Variants in PTK7 observed in about 807,000 individuals in gnomAD.
The protein encoded by PTK7 is protein tyrosine kinase 7 (inactive).
Under a neutral mutation model 116.6 loss-of-function variants are expected in PTK7, and 39 were observed. The observed-to-expected ratio is 0.33, with a 90% CI of 0.26 to 0.44. The LOEUF is 0.44. Ranked by LOEUF, PTK7 falls within the 20% of genes least tolerant of loss-of-function variation. The pLI, the probability that PTK7 is intolerant of heterozygous loss-of-function variation, is 1.00. For synonymous variants in PTK7, 546 were observed against 563.6 expected (o/e 0.97, Z 0.44); for missense variants, 1,169 against 1,425.6 (o/e 0.82, Z 2.90).
At chr6:43,107,614 G>T (rs1190045251) in intron 1 of PTK7, among the ~76,000 whole-genome samples, 3 of 152,220 alleles carry the variant, frequency 2.0e-5, no homozygotes, top group Non-Finnish European at 4.4e-5. Context: ...GACAGTAATT[G>T]TGTGTTTCTC....
At chr6:43,116,604 TTGTGTGTGTGTGTGTGTGTGTGTGTG>T (rs751605217) in intron 1 of PTK7, among the ~76,000 whole-genome samples, 5 of 119,086 alleles carry the variant, frequency 4.2e-5, no homozygotes, top group East Asian at 2.6e-4. Flanking sequence ...AAAAGCTGGT[TTGTGTGTGTGTGTGTGTGTGTGTGTG>T]TGTGTGTGTG....
chr6:43,147,107 C>T (rs1770772367), intron 17 of PTK7, among the ~76,000 whole-genome samples: 1 of 152,228 alleles, frequency 6.6e-6, no homozygotes, highest in Admixed American at 6.5e-5. Flanking sequence ...TGGGCCTGAG[C>T]GTGTTTCTTC....
rs1181146393 is a variant in PTK7 at position 43,150,803 on chromosome 6, TTTTTTTTTTTTTTC to T, written c.2721+4106_2721+4119del. On this transcript the variant is annotated intron_variant, in intron 17 of 19. Transcript: ENST00000230419. ...TAGACTCAGCTTTTTTTTTTTTTTT[TTTTTTTTTTTTTTC>T]CCGAGACAGAGTCTCGCTCTGTCTC... 1.3e-4 allele frequency among the ~76,000 whole-genome samples: 14 copies of T among 104,244 alleles called. 1 individual carries two copies. The highest frequency in any genetic ancestry group is 3.4e-4 in the African/African-American group (7 of 20,598). 68.4% of individuals were successfully genotyped at this position (104,244 alleles called of 152,430 possible).
At chr6:43,114,704 T>C (rs917930558) in intron 1 of PTK7, among the ~76,000 whole-genome samples, 21 of 152,296 alleles carry the variant, frequency 1.4e-4, no homozygotes, top group African/African-American at 4.8e-4. Context: ...GTGTGCTTTA[T>C]GCTTTATGTT....
At chr6:43,112,066 G>C (rs1274427433) in intron 1 of PTK7, among the ~76,000 whole-genome samples, 1 of 151,932 alleles carries the variant, frequency 6.6e-6, no homozygotes, top group East Asian at 1.9e-4. Flanking sequence ...GTAAGTGAGG[G>C]AGTGTATTTG....
At chr6:43,119,826 T>C (rs547966336) in intron 1 of PTK7, among the ~76,000 whole-genome samples, 1 of 152,298 alleles carries the variant, frequency 6.6e-6, no homozygotes, top group Non-Finnish European at 1.5e-5. Flanking sequence ...AGAATGGATT[T>C]GGGGCCAGAT....
chr6:43,132,638 G>A lies in PTK7; in HGVS notation c.1179G>A (p.Ala393=), dbSNP rs751644757. 1.6e-5 allele frequency: 26 copies of A among 1,587,034 alleles called. 1 individual carries two copies. The highest frequency in any genetic ancestry group is 3.3e-4 in the Middle Eastern group (2 of 6,058). The part of the protein sequence containing the change: ...ESDAGVYTCH[A]ANLAGQRRQD... ...ATGCTGGTGTCTACACCTGCCACGC[G>A]GCCAACCTGGCTGGTCAGCGGAGAC... is the stretch of plus-strand genomic sequence containing the variant. The change falls in exon 7 of 20, where the codon GCG becomes GCA. Residue 393 remains alanine (A), a synonymous_variant. Transcript: ENST00000230419.
intron 7 of PTK7, among the ~76,000 whole-genome samples, chr6:43,135,871 A>G (rs927693516): frequency 6.6e-6 from 1 of 151,982 alleles, no homozygotes; most frequent in Admixed American, 6.6e-5. Context: ...CCTGGCCAAC[A>G]TGGTGAAACC....
At chr6:43,101,686 A>G (rs867211188) in intron 1 of PTK7, among the ~76,000 whole-genome samples, 64 of 152,246 alleles carry the variant, frequency 4.2e-4, no homozygotes, top group Non-Finnish European at 7.3e-4. Context: ...CAGATGGACA[A>G]CAGCCTGTGT....
At position 43,095,687 on chromosome 6, in the gene PTK7, G is replaced by T. The variant is rs148591731; in HGVS notation, c.79+19120G>T. ...TAAGGTATTGTATAATAGATGGTGTGCCTTAAATGATGGGGAAGAACAGCA... is the reference window on the plus strand; with the variant it reads ...TAAGGTATTGTATAATAGATGGTGTTCCTTAAATGATGGGGAAGAACAGCA... On this transcript the variant is annotated intron_variant, in intron 1 of 19. Transcript: ENST00000230419. Among the ~76,000 whole-genome samples, 765 of 152,290 alleles carry T rather than the reference G, an allele frequency of 5.0e-3. 4 individuals carry two copies. The highest frequency in any genetic ancestry group is 7.7e-3 in the Non-Finnish European group (523 of 68,022).
chr6:43,104,055 C>G (rs574043901), intron 1 of PTK7, among the ~76,000 whole-genome samples: 2 of 152,292 alleles, frequency 1.3e-5, no homozygotes, highest in Non-Finnish European at 2.9e-5. Context: ...ATTCTTAGTA[C>G]TTAGAGCAGT....
rs755300416 is a variant in PTK7 at position 43,145,157 on chromosome 6, G to A, written c.2408-43G>A. 36 of 1,540,612 alleles carry A rather than the reference G, an allele frequency of 2.3e-5. No homozygotes were observed. In the Middle Eastern group the frequency reaches 5.9e-4, roughly 25 times the overall value. ...CCTCCCCCAGGTCAGGAGCTGCCTC[G>A]GCCTGGGTGAAGGTGGCTGGCTGAC... On this transcript the variant is annotated intron_variant, in intron 15 of 19. Coordinates refer to ENST00000230419, the MANE Select transcript of PTK7 (RefSeq NM_002821.5). The surrounding 1 kb of genome is among the most constrained non-coding windows in gnomAD (Gnocchi z 4.8).
intron 1 of PTK7, among the ~76,000 whole-genome samples, chr6:43,108,975 T>G (rs1421148793): frequency 1.4e-4 from 21 of 152,180 alleles, no homozygotes; most frequent in South Asian, 4.1e-4. Flanking sequence ...AAGGGAAAAA[T>G]AAATGCTTGA....
At chr6:43,114,010 G>A (rs1434472067) in intron 1 of PTK7, among the ~76,000 whole-genome samples, 2 of 152,134 alleles carry the variant, frequency 1.3e-5, no homozygotes, top group East Asian at 1.9e-4. Context: ...GCCTGTGGCC[G>A]GGGACTCAGT....
At chr6:43,094,209 G>A (rs1767113237) in intron 1 of PTK7, among the ~76,000 whole-genome samples, 1 of 152,184 alleles carries the variant, frequency 6.6e-6, no homozygotes, top group African/African-American at 2.4e-5. Context: ...ACTTAGGCCT[G>A]GAAAGTAGAT....
At position 43,139,068 on chromosome 6, in the gene PTK7, C is replaced by T; in HGVS notation, c.1363-68C>T. ...GTGCTCACCTCCATAGCACTCTTAC[C>T]CTGGAGGCAGCCTCCAGGGAGAGGT... is the stretch of plus-strand genomic sequence containing the variant. On this transcript the variant is annotated intron_variant, in intron 8 of 19. Transcript: ENST00000230419. This position sits in a 1 kb window ranked among gnomAD's most constrained non-coding sequence, Gnocchi z 4.6. 6.2e-7 allele frequency: 1 copy of T among 1,609,960 alleles called. No individual in the cohort carries two copies. The highest frequency in any genetic ancestry group is 8.5e-7 in the Non-Finnish European group (1 of 1,177,390).
At chr6:43,128,582 C>T (rs561967027) in intron 1 of PTK7, among the ~76,000 whole-genome samples, 4 of 152,198 alleles carry the variant, frequency 2.6e-5, no homozygotes, top group East Asian at 1.9e-4. Flanking sequence ...GTCAGGGGTT[C>T]GAGACCAGCC....
chr6:43,135,837 T>A (rs1482892416), intron 7 of PTK7, among the ~76,000 whole-genome samples: 1 of 151,380 alleles, frequency 6.6e-6, no homozygotes, highest in Non-Finnish European at 1.5e-5. Flanking sequence ...GGTGGATCAC[T>A]TGAGGTCAGG....
At chr6:43,158,553 TGTGCCACTCACTTAATCTGGCACTTGC>T (rs1771651900) in intron 17 of PTK7, among the ~76,000 whole-genome samples, 1 of 152,192 alleles carries the variant, frequency 6.6e-6, no homozygotes. Context: ...CTTAGGCCCA[TGTGCCACTCACTTAATCTGGCACTTGC>T]TGTGTGTCAG....
Sources: allele counts gnomAD v4.1 joint callset (sites outside exome capture counted in the v4.1 genomes callset), GRCh38; gene constraint gnomAD v4.1.1; non-coding constraint Gnocchi (gnomAD v3.1); transcripts MANE v1.5; gene names NCBI Gene and HGNC (gene_info 2026-07-23, HGNC 2026-07-21).